HECW1: variants seen among roughly 807,000 people sequenced by gnomAD.
HECW1 encodes HECT, C2 and WW domain containing E3 ubiquitin protein ligase 1.
HECW1 carries 61 observed loss-of-function variants against 182.3 expected under a neutral mutation model. That is an observed-to-expected ratio of 0.33 (90% CI 0.27 to 0.41). The LOEUF (loss-of-function observed/expected upper bound fraction) is 0.41. Ranked by LOEUF, HECW1 falls within the 10% of genes least tolerant of loss-of-function variation. HECW1 has a pLI of 1.00. For missense variants in HECW1, 1,739 were observed against 2,108.9 expected, an observed-to-expected ratio of 0.82 and a Z score of 3.44; for synonymous variants, 859 against 832.6, an observed-to-expected ratio of 1.03 and a Z score of -0.55.
Position 43,445,453 on chromosome 7 carries a change from G to A in HECW1, c.2281G>A (p.Glu761Lys). 6.2e-7 allele frequency: 1 copy of A among 1,613,116 alleles called. No homozygotes were observed. Among genetic ancestry groups the A allele is most frequent in the African/African-American group, 1.3e-5 (1 of 75,064 alleles). ...DSMQSPELDP[E>K]STNGAGPWQD... The stretch of plus-strand genomic sequence containing the variant: ...CATGCAGAGCCCTGAGCTGGACCCG[G>A]AGTCCACGAACGGCGCTGGGCCGTG... Residue 761 changes from glutamate (E) to lysine (K), a missense_variant, in exon 11 of 30, where the codon GAG (glutamate) becomes AAG (lysine). Physicochemically the swap from Glu to Lys is moderately conservative, Grantham distance 56 (BLOSUM62 1). Around this residue, in one of 5 missense-constraint regions of HECW1, gnomAD observed 971 missense variants for 1,029.1 expected, o/e 0.94. Coordinates refer to ENST00000395891, the MANE Select transcript of HECW1 (RefSeq NM_015052.5).
intron 16 of HECW1, among the ~76,000 whole-genome samples, chr7:43,471,761 G>T (rs1287368189): frequency 6.6e-6 from 1 of 152,136 alleles, no homozygotes. Context: ...CTATCTTGTG[G>T]CAGACATGAG....
At chr7:43,155,905 T>A (rs1217667118) in intron 2 of HECW1, among the ~76,000 whole-genome samples, 4 of 152,170 alleles carry the variant, frequency 2.6e-5, no homozygotes, top group Non-Finnish European at 5.9e-5. Flanking sequence ...CTCACAAAGG[T>A]CTTTTGTTCA....
intron 2 of HECW1, among the ~76,000 whole-genome samples, chr7:43,160,978 GT>G (rs1040257375): frequency 2.1e-4 from 32 of 149,274 alleles, no homozygotes; most frequent in East Asian, 1.8e-3. Context: ...ATTTCTACAG[GT>G]TTTTTTTTTC....
chr7:43,304,739 C>G (rs898371900), intron 3 of HECW1, among the ~76,000 whole-genome samples: 1 of 152,144 alleles, frequency 6.6e-6, no homozygotes, highest in Admixed American at 6.5e-5. Flanking sequence ...GGTGATATGC[C>G]CGCCTTGGCC....
At chr7:43,522,927 G>C in intron 24 of HECW1, 1 of 349,108 alleles carries the variant, frequency 2.9e-6, no homozygotes, top group Non-Finnish European at 5.9e-6. Context: ...CAGCTCCGTG[G>C]TGGGGATGTT....
chr7:43,494,812 C>A (rs554855741), intron 19 of HECW1, among the ~76,000 whole-genome samples: 5 of 152,242 alleles, frequency 3.3e-5, no homozygotes, highest in African/African-American at 9.6e-5. Flanking sequence ...CCTCACCCAG[C>A]CTAAAGTCAA....
At chr7:43,428,369 T>G (rs2076427640) in intron 8 of HECW1, among the ~76,000 whole-genome samples, 1 of 152,228 alleles carries the variant, frequency 6.6e-6, no homozygotes, top group African/African-American at 2.4e-5. Context: ...CATTCATTCA[T>G]TTTCTCATTT....
At chr7:43,330,992 A>AT (rs1464415622) in intron 5 of HECW1, among the ~76,000 whole-genome samples, 1 of 151,040 alleles carries the variant, frequency 6.6e-6, no homozygotes, top group African/African-American at 2.4e-5. Flanking sequence ...TATTTATTTT[A>AT]TTTTTTTATA....
intron 2 of HECW1, among the ~76,000 whole-genome samples, chr7:43,131,496 T>C (rs1349827447): frequency 2.6e-5 from 4 of 152,176 alleles, no homozygotes; most frequent in East Asian, 1.9e-4. Flanking sequence ...GTTAGAAACA[T>C]TGAATTGATT....
intron 2 of HECW1, among the ~76,000 whole-genome samples, chr7:43,173,397 C>T (rs1015162981): frequency 6.6e-6 from 1 of 152,160 alleles, no homozygotes; most frequent in Non-Finnish European, 1.5e-5. Flanking sequence ...TGGCTGTCCA[C>T]CCCTCCCCAT....
At chr7:43,159,184 C>T (rs1583746498) in intron 2 of HECW1, among the ~76,000 whole-genome samples, 1 of 149,456 alleles carries the variant, frequency 6.7e-6, no homozygotes, top group East Asian at 2.0e-4. Context: ...TGTTCATTTT[C>T]TTTTTTTTTA....
rs139421471 is a variant in HECW1 at position 43,480,533 on chromosome 7, T to C, written c.3234+789T>C. The stretch of plus-strand genomic sequence containing the variant: ...ACTTCCCATAAAACAGCTTTTAGAA[T>C]TGGATTATCATAAGGTTAAAAAATC... On this transcript the variant is annotated intron_variant, in intron 17 of 29. Transcript: ENST00000395891. Among the ~76,000 whole-genome samples, 403 of 152,132 alleles carry C rather than the reference T, an allele frequency of 2.6e-3. 2 individuals are homozygous for C. Among genetic ancestry groups the C allele is most frequent in the African/African-American group, 9.1e-3 (379 of 41,476 alleles).
intron 14 of HECW1, among the ~76,000 whole-genome samples, chr7:43,466,078 GGA>G (rs1491087432): frequency 1.4e-5 from 2 of 139,186 alleles, no homozygotes; most frequent in African/African-American, 2.7e-5. Context: ...AAGGAAGGAA[GGA>G]GAGAGAAGAA....
intron 2 of HECW1, among the ~76,000 whole-genome samples, chr7:43,175,698 T>G (rs557546030): frequency 6.6e-6 from 1 of 152,214 alleles, no homozygotes; most frequent in Non-Finnish European, 1.5e-5. Flanking sequence ...TGAAGTGTTT[T>G]GGGAAAAGCA....
intron 5 of HECW1, among the ~76,000 whole-genome samples, chr7:43,325,623 G>A (rs1304521426): frequency 6.6e-6 from 1 of 151,486 alleles, no homozygotes; most frequent in African/African-American, 2.4e-5. Context: ...CCGCCCTTGT[G>A]TTGTCGTCAC....
chr7:43,134,393 C>A (rs1286311132), intron 2 of HECW1, among the ~76,000 whole-genome samples: 637 of 87,656 alleles, frequency 7.3e-3, no homozygotes, highest in African/African-American at 0.016. Context: ...GACTCTGTCT[C>A]AAAAAAAAAA....
Position 43,193,390 on chromosome 7 carries a change from C to CT in HECW1, c.-31-50476dup, listed in dbSNP as rs926472758. The stretch of plus-strand genomic sequence containing the variant: ...CTTCCTATCTTACTTCACGTGTTTT[C>CT]TTTTTTTTTGAGATGGAAACTTGCT... On this transcript the variant is annotated intron_variant, in intron 2 of 29. Transcript: ENST00000395891. 3.0e-4 allele frequency among the ~76,000 whole-genome samples: 46 copies of CT among 151,136 alleles called. No homozygotes were observed. In the East Asian group the frequency reaches 3.1e-3, roughly 10 times the overall value.
rs202167665 is a variant in HECW1, at chr7:43,513,849, A to AGG, written c.4019+4728_4019+4729insGG. Among the ~76,000 whole-genome samples the AGG allele has an allele frequency of 3.2e-3, 481 of 152,278 alleles. 4 individuals are homozygous for AGG. The highest frequency in any genetic ancestry group is 0.011 in the African/African-American group (470 of 41,562). On this transcript the variant is annotated intron_variant, in intron 24 of 29. Coordinates refer to ENST00000395891, the MANE Select transcript of HECW1 (RefSeq NM_015052.5). ...GTCAGCAGTGATAATATTCAGGCCA[A>AGG]AGAGAAAGAGGAGTTAGAGTCAGAA...
At chr7:43,351,330 G>T (rs1276896795) in intron 5 of HECW1, among the ~76,000 whole-genome samples, 2 of 152,184 alleles carry the variant, frequency 1.3e-5, no homozygotes, top group East Asian at 1.9e-4. Context: ...CTCTATTTTT[G>T]TACTGGTTGG....
Sources: gnomAD v4.1 joint callset for allele counts (sites outside exome capture counted in the v4.1 genomes callset) on GRCh38, gnomAD v4.1.1 for gene constraint, gnomAD v4.1.1 regional missense constraint, MANE v1.5 for transcripts, NCBI Gene and HGNC (gene_info 2026-07-23, HGNC 2026-07-21) for gene names.